Variants in SPINK5 observed in about 807,000 individuals in gnomAD.
SPINK5 encodes the protein serine protease inhibitor Kazal-type 5.
A neutral mutation model predicts 151.8 loss-of-function variants in SPINK5; 125 were observed. The observed-to-expected ratio is 0.82, with a 90% CI of 0.71 to 0.96. SPINK5 has a LOEUF of 0.96. Ranked by LOEUF, SPINK5 falls within the 40% of genes least tolerant of loss-of-function variation. The probability of loss-of-function intolerance (pLI) is 0.00; values close to 1 mark genes in which losing one functional copy is unlikely to be tolerated. For synonymous variants in SPINK5, 374 were observed against 395.3 expected (o/e 0.95, Z 0.64); for missense variants, 1,194 against 1,291.9 (o/e 0.92, Z 1.16).
At chr5:148,088,048 TA>T in intron 5 of SPINK5, among the ~76,000 whole-genome samples, 1 of 151,972 alleles carries the variant, frequency 6.6e-6, no homozygotes, top group African/African-American at 2.4e-5. Flanking sequence ...TGTTTTCAGA[TA>T]TACTTTAAAG....
At chr5:148,090,034 A>G (rs1260219493) in intron 7 of SPINK5, among the ~76,000 whole-genome samples, 2 of 151,878 alleles carry the variant, frequency 1.3e-5, no homozygotes, top group Non-Finnish European at 2.9e-5. Context: ...AAATAATAAT[A>G]GTAATAATGC....
chr5:148,097,217 G>C (rs566735521), intron 10 of SPINK5, among the ~76,000 whole-genome samples: 3 of 151,730 alleles, frequency 2.0e-5, no homozygotes, highest in Admixed American at 1.3e-4. Context: ...ACAAAGATTT[G>C]ATTTTGCCAT....
chr5:148,125,513 A>G, intron 28 of SPINK5: 5 of 1,612,200 alleles, frequency 3.1e-6, no homozygotes, highest in South Asian at 1.1e-5. Context: ...ATGTTTCCCT[A>G]CATTTTTCAG....
intron 15 of SPINK5, among the ~76,000 whole-genome samples, chr5:148,102,562 T>C (rs1753678058): frequency 6.6e-6 from 1 of 152,164 alleles, no homozygotes; most frequent in Non-Finnish European, 1.5e-5. Flanking sequence ...TAATTTCTTC[T>C]ATGACATTTA....
chr5:148,123,961 GTA>G lies in SPINK5; in HGVS notation c.2666+2_2666+3del. ...AATGTGCTATGTGTCAGAGCATCTT[GTA>G]CGTAAAAAGGTTTATCAATAAATTT... On this transcript the variant is annotated splice_donor_variant and splice_donor_region_variant and intron_variant, in intron 27 of 32. Transcript: ENST00000256084. LOFTEE classifies it high-confidence loss of function. 1 of 1,613,806 alleles carries G rather than the reference GTA, an allele frequency of 6.2e-7. No homozygotes were observed. Among genetic ancestry groups the G allele is most frequent in the East Asian group, 2.2e-5 (1 of 44,862 alleles).
intron 17 of SPINK5, among the ~76,000 whole-genome samples, chr5:148,108,361 C>A (rs1753833767): frequency 6.6e-6 from 1 of 152,164 alleles, no homozygotes; most frequent in Admixed American, 6.6e-5. Flanking sequence ...TTGAGCCCAT[C>A]ATCTGACTTA....
At chr5:148,097,640 T>C (rs1753504733) in intron 10 of SPINK5, among the ~76,000 whole-genome samples, 1 of 152,054 alleles carries the variant, frequency 6.6e-6, no homozygotes, top group African/African-American at 2.4e-5. Context: ...ATAAAGAACA[T>C]AAATATAAAT....
At chr5:148,104,844 C>T (rs550122757) in intron 15 of SPINK5, 108 bp from the exon 16 acceptor site, 42 of 991,354 alleles carry the variant, frequency 4.2e-5, no homozygotes, top group Non-Finnish European at 5.1e-5. Context: ...TGCAGTGAGC[C>T]GAGATCGCGC....
At chr5:148,121,871 G>T (rs1194185214) in intron 26 of SPINK5, among the ~76,000 whole-genome samples, 1 of 151,780 alleles carries the variant, frequency 6.6e-6, no homozygotes, top group African/African-American at 2.4e-5. Context: ...GGGAGGTTAA[G>T]GTGAGAGGAT....
At chr5:148,074,960 C>T (rs929744403) in intron 4 of SPINK5, among the ~76,000 whole-genome samples, 1 of 151,526 alleles carries the variant, frequency 6.6e-6, no homozygotes, top group African/African-American at 2.4e-5. Flanking sequence ...CTATTGATTT[C>T]TTCAGGTTAA....
chr5:148,073,422 A>G (rs1235210236), intron 4 of SPINK5, among the ~76,000 whole-genome samples: 1 of 151,454 alleles, frequency 6.6e-6, no homozygotes, highest in African/African-American at 2.4e-5. Context: ...ATAATTGAAA[A>G]CTCTTTATCT....
intron 17 of SPINK5, 88 bp from the exon 18 acceptor site, chr5:148,108,665 G>T (rs1753840849): frequency 6.4e-7 from 1 of 1,555,180 alleles, no homozygotes; most frequent in East Asian, 2.4e-5. Context: ...CTGACTGTTG[G>T]TTTGGAAGAT....
In SPINK5 at chr5:148,116,281, G is replaced by GT. The variant is rs1296907817; in HGVS notation, c.2016-88dup. On this transcript the variant is annotated intron_variant, in intron 21 of 32. Coordinates refer to ENST00000256084, the MANE Select transcript of SPINK5 (RefSeq NM_006846.4). ...CAATGCTCGATAATTCTGTACATATGTGATTTGTTCATATAATGAGAAACT... is the reference window on the plus strand; with the variant it reads ...CAATGCTCGATAATTCTGTACATATGTTGATTTGTTCATATAATGAGAAACT... The GT allele has an allele frequency of 3.9e-6, 5 of 1,297,084 alleles. No homozygotes were observed. In the African/African-American group the frequency reaches 7.3e-5, roughly 19 times the overall value. 80.3% of individuals were successfully genotyped at this position (1,297,084 alleles called of 1,614,324 possible).
chr5:148,127,128 AT>A, intron 30 of SPINK5, 49 bp downstream of exon 30: 53 of 1,519,962 alleles, frequency 3.5e-5, no homozygotes, highest in Admixed American at 7.1e-5. Context: ...AATTTTCTTG[AT>A]TTTTTTTGAC....
chr5:148,111,952 G>A, intron 19 of SPINK5, 57 bp downstream of exon 19: 1 of 1,613,004 alleles, frequency 6.2e-7, no homozygotes, highest in Non-Finnish European at 8.5e-7. Flanking sequence ...AGCATCGGGT[G>A]GGCAAGAGGG....
Position 148,116,518 on chromosome 5 carries a change from ATAG to A in SPINK5, c.2112+53_2112+55del, listed in dbSNP as rs751672221. 3 of 1,542,474 alleles carry A rather than the reference ATAG, an allele frequency of 1.9e-6. No individual in the cohort carries two copies. In the South Asian group the frequency reaches 3.3e-5, roughly 17 times the overall value. ...CTGGGGCGGGCTCAACTCCTTGACAATAGGACTGTGAATAGCGTATATAGTCTA... is the reference window on the plus strand; with the variant it reads ...CTGGGGCGGGCTCAACTCCTTGACAAGACTGTGAATAGCGTATATAGTCTA... On this transcript the variant is annotated intron_variant, in intron 22 of 32. Transcript: ENST00000256084.
intron 6 of SPINK5, chr5:148,088,917 C>T (rs539507147): frequency 6.5e-6 from 3 of 464,674 alleles, no homozygotes; most frequent in East Asian, 5.3e-5. Flanking sequence ...ACTTAGCCTG[C>T]GTTAAAACCC....
Position 148,107,097 on chromosome 5 carries a change from C to A in SPINK5, c.1540C>A (p.His514Asn), listed in dbSNP as rs189170702. The A allele has an allele frequency of 3.2e-5, 52 of 1,613,284 alleles. No individual in the cohort carries two copies. The East Asian group carries it at 1.1e-3, about 35-fold the overall frequency. ...TGGAACACTTATATGCACCAGGGAG[C>A]ATAATCCTGTCCGTGGCCCAGATGG... The part of the protein sequence containing the change: ...RNGTLICTRE[H>N]NPVRGPDGKM... Residue 514 changes from histidine (H) to asparagine (N), a missense_variant, in exon 17 of 33, where the codon CAT (histidine) becomes AAT (asparagine). His to Asn is a moderately conservative substitution (Grantham distance 68, BLOSUM62 1). Transcript: ENST00000256084.
At position 148,107,055 on chromosome 5, in the gene SPINK5, C is replaced by A. The variant is rs201611101; in HGVS notation, c.1498C>A (p.Arg500=). Residue 500 remains arginine, a synonymous_variant, in exon 17 of 33, where the codon CGG becomes AGG. Coordinates refer to ENST00000256084, the MANE Select transcript of SPINK5 (RefSeq NM_006846.4). ...EAAKEICSEF[R]DQVRNGTLIC... ...TTCCCAGGAAATCTGCAGTGAATTT[C>A]GGGACCAAGTGAGGAATGGAACACT... 1.9e-6 allele frequency: 3 copies of A among 1,612,450 alleles called. No homozygotes were observed. Among genetic ancestry groups the A allele is most frequent in the African/African-American group, 1.3e-5 (1 of 74,822 alleles).
Sources: gnomAD v4.1 joint callset for allele counts (sites outside exome capture counted in the v4.1 genomes callset) on GRCh38, gnomAD v4.1.1 for gene constraint, MANE v1.5 for transcripts, NCBI Gene and HGNC (gene_info 2026-07-23, HGNC 2026-07-21) for gene names.